Variants in PC observed in about 807,000 individuals in gnomAD.
PC encodes the protein pyruvate carboxylase.
In PC, 46 loss-of-function variants were observed where a neutral mutation model predicts 107.8. That is an observed-to-expected ratio of 0.43 (90% CI 0.34 to 0.55). PC has a LOEUF of 0.55. Ranked by LOEUF, PC falls within the 20% of genes least tolerant of loss-of-function variation. PC has a pLI of 0.04. For synonymous variants in PC, 662 were observed against 684.7 expected, an observed-to-expected ratio of 0.97 and a Z score of 0.52; for missense variants, 1,241 against 1,643.1, an observed-to-expected ratio of 0.76 and a Z score of 4.23.
intron 3 of PC, among the ~76,000 whole-genome samples, chr11:66,930,069 G>T (rs1948809614): frequency 6.6e-6 from 1 of 151,926 alleles, no homozygotes; most frequent in African/African-American, 2.4e-5. Context: ...ACTTCCAAAG[G>T]ATACTCCCTT....
chr11:66,914,993 C>G (rs1252397246), intron 3 of PC, among the ~76,000 whole-genome samples: 1 of 152,144 alleles, frequency 6.6e-6, no homozygotes, highest in African/African-American at 2.4e-5. Flanking sequence ...GATGGTGCCA[C>G]TGCACTCCAG....
At chr11:66,867,851 TC>T (rs893542212) in intron 10 of PC, among the ~76,000 whole-genome samples, 1 of 152,202 alleles carries the variant, frequency 6.6e-6, no homozygotes, top group African/African-American at 2.4e-5. Context: ...GGGAGGGGCC[TC>T]CATGCCCCCG....
intron 3 of PC, among the ~76,000 whole-genome samples, chr11:66,892,394 G>A (rs566178438): frequency 6.6e-6 from 1 of 152,286 alleles, no homozygotes; most frequent in East Asian, 1.9e-4. Flanking sequence ...CAGGCATCAC[G>A]TTCCAGAACG....
chr11:66,869,435 G>C (rs1431014639), intron 9 of PC, among the ~76,000 whole-genome samples: 2 of 151,826 alleles, frequency 1.3e-5, no homozygotes, highest in Non-Finnish European at 2.9e-5. Flanking sequence ...CATTTGAGAG[G>C]TACCAACAGA....
chr11:66,943,959 C>T (rs1459684875), intron 3 of PC, among the ~76,000 whole-genome samples: 2 of 128,056 alleles, frequency 1.6e-5, no homozygotes, highest in Non-Finnish European at 3.3e-5. Context: ...GTGATAATAG[C>T]GAAACTGTCT....
At position 66,954,796 on chromosome 11, in the gene PC, T is replaced by C. The variant is rs183254500; in HGVS notation, c.-227-360A>G. Among the ~76,000 whole-genome samples the C allele has an allele frequency of 1.5e-3, 232 of 152,006 alleles. 1 individual carries two copies. Among genetic ancestry groups the C allele is most frequent in the Admixed American group, 3.0e-3 (46 of 15,258 alleles). On this transcript the variant is annotated intron_variant, in intron 1 of 22. Transcript: ENST00000393960. ...CCATCTCTACTAAAGATACAAAAAT[T>C]AGCCAGGCAAAGGGTTGGTGCCTGT...
intron 2 of PC, among the ~76,000 whole-genome samples, chr11:66,954,027 C>A (rs1332539265): frequency 6.6e-6 from 1 of 152,170 alleles, no homozygotes; most frequent in African/African-American, 2.4e-5. Context: ...TACTTATCAT[C>A]ATCGTTATGA....
chr11:66,849,502 G>A, intron 21 of PC, 109 bp downstream of exon 21: 6 of 1,605,984 alleles, frequency 3.7e-6, no homozygotes, highest in Non-Finnish European at 5.1e-6. Context: ...GGTCTCAAGG[G>A]TCCTTTCTGC....
At chr11:66,947,252 G>T (rs1949320340) in intron 3 of PC, among the ~76,000 whole-genome samples, 1 of 152,008 alleles carries the variant, frequency 6.6e-6, no homozygotes, top group African/African-American at 2.4e-5. Context: ...ACCAACAAAG[G>T]TGACTGGATA....
At chr11:66,897,199 G>A (rs1020484510) in intron 3 of PC, among the ~76,000 whole-genome samples, 3 of 152,158 alleles carry the variant, frequency 2.0e-5, no homozygotes, top group Non-Finnish European at 4.4e-5. Context: ...GTCCCAAAGT[G>A]CTGGAATTAC....
chr11:66,924,369 CAA>C lies in PC; in HGVS notation c.-1+28059_-1+28060del, dbSNP rs71045970. ...TAACATAGCAAGACCCCATCTCTAC[CAA>C]AAAAAAAAAAAAAAAAAATTAGCTA... On this transcript the variant is annotated intron_variant, in intron 3 of 22. Transcript: ENST00000393960. Among the ~76,000 whole-genome samples, 959 of 65,600 alleles carry C rather than the reference CAA, an allele frequency of 0.015. 46 individuals carry two copies. In the East Asian group the frequency reaches 0.2, roughly 14 times the overall value. The allele number at this position is 65,600 out of a possible 152,430, so 43.0% of individuals were successfully genotyped here.
At chr11:66,934,123 G>A (rs188122989) in intron 3 of PC, among the ~76,000 whole-genome samples, 28 of 152,182 alleles carry the variant, frequency 1.8e-4, no homozygotes, top group African/African-American at 4.6e-4. Flanking sequence ...GCCACTGTCC[G>A]GGGGCACCCG....
chr11:66,874,251 C>T (rs146217999), intron 3 of PC, among the ~76,000 whole-genome samples: 5,538 of 152,212 alleles, frequency 0.036, 326 homozygotes, highest in African/African-American at 0.12. Flanking sequence ...TGAACCACCA[C>T]GCCTGGCTGT....
rs1948299508 is a variant in PC at position 66,910,358 on chromosome 11, G to A, written c.1-38199C>T. Among the ~76,000 whole-genome samples, 4 of 152,164 alleles carry A rather than the reference G, an allele frequency of 2.6e-5. No homozygotes were observed. The South Asian group carries it at 8.3e-4, about 32-fold the overall frequency. ...AGCTCCTTGTGCCATCAGGGCAGCT[G>A]GATGGACCCTTCTAATGGCCTTGGT... On this transcript the variant is annotated intron_variant, in intron 3 of 22. Coordinates refer to ENST00000393960, the MANE Select transcript of PC (RefSeq NM_001040716.2).
chr11:66,914,487 G>A (rs191156657), intron 3 of PC, among the ~76,000 whole-genome samples: 4 of 150,506 alleles, frequency 2.7e-5, no homozygotes, highest in African/African-American at 9.8e-5. Flanking sequence ...CTCCAGTCTG[G>A]GCAACAAGGG....
At chr11:66,886,572 G>A (rs1013095596) in intron 3 of PC, among the ~76,000 whole-genome samples, 5 of 152,154 alleles carry the variant, frequency 3.3e-5, no homozygotes, top group Admixed American at 6.5e-5. Flanking sequence ...CCTGAACCAC[G>A]GTGGTGGGAA....
chr11:66,850,232 G>A lies in PC; in HGVS notation c.2706C>T (p.Gly902=), dbSNP rs73489729. 24 of 1,614,010 alleles carry A rather than the reference G, an allele frequency of 1.5e-5. No homozygotes were observed. Among genetic ancestry groups the A allele is most frequent in the Middle Eastern group, 1.6e-4 (1 of 6,062 alleles). ...GGGCCGGGCTCACCTTGATGAGATC[G>A]CCCAGCATCTGGTTGGCCTCCACAT... ...KAYVEANQML[G]DLIKVTPSSK... The change falls in exon 19 of 23, where the codon GGC becomes GGT. Residue 902 remains glycine, a synonymous_variant. Transcript: ENST00000393960.
Position 66,872,108 on chromosome 11 carries a change from G to T in PC, c.52C>A (p.Arg18=), listed in dbSNP as rs144583275. 8.9e-4 allele frequency: 1,397 copies of T among 1,574,366 alleles called. 13 individuals carry two copies. Among genetic ancestry groups the T allele is most frequent in the Non-Finnish European group, 3.2e-4 (375 of 1,160,750 alleles). ...GAGGCAGCGGGGGCGGTGGAGGTTC[G>T]GCGGATTCCCAGGAGCCTCAGGCCC... ...HGGLRLLGIR[R]TSTAPAASPN... is the part of the protein sequence containing the mutation. The change falls in exon 4 of 23, where the codon CGA becomes AGA. Residue 18 remains arginine, a synonymous_variant. Coordinates refer to ENST00000393960, the MANE Select transcript of PC (RefSeq NM_001040716.2).
Position 66,868,917 on chromosome 11 carries a change from G to T in PC, c.951C>A (p.His317Gln), listed in dbSNP as rs142309583. 2 of 1,613,836 alleles carry T rather than the reference G, an allele frequency of 1.2e-6. No individual in the cohort carries two copies. Among genetic ancestry groups the T allele is most frequent in the Admixed American group, 1.7e-5 (1 of 60,004 alleles). The change falls in exon 10 of 23, where the codon CAC becomes CAA. Residue 317 changes from histidine to glutamine, a missense_variant. His to Gln is a conservative substitution (Grantham distance 24). This residue lies in a region of PC where 1,143 missense variants were observed against 1,551.9 expected (regional missense o/e 0.74). Transcript: ENST00000393960. ...TGACCTCGATGAAGTAGTGCTTGCC[G>T]TGCCTGTCCACCAGGAACTCCACGG... ...AGTVEFLVDR[H>Q]GKHYFIEVNS...
Sources: allele counts gnomAD v4.1 joint callset (sites outside exome capture counted in the v4.1 genomes callset), GRCh38; gene constraint gnomAD v4.1.1; regional missense constraint gnomAD v4.1.1; transcripts MANE v1.5; gene names NCBI Gene and HGNC (gene_info 2026-07-23, HGNC 2026-07-21).